ASB8: variants seen among roughly 807,000 people sequenced by gnomAD.
ASB8 encodes ankyrin repeat and SOCS box containing 8.
ASB8 carries 15 observed loss-of-function variants against 22.9 expected under a neutral mutation model. The observed-to-expected ratio is 0.66, with a 90% CI of 0.44 to 1.01. The LOEUF is 1.01. Among genes scored for constraint, ASB8 ranks in the 50% least tolerant of loss-of-function variants. The pLI is 0.00. For missense variants in ASB8, 294 were observed against 356.9 expected, an observed-to-expected ratio of 0.82 and a Z score of 1.42; for synonymous variants, 124 against 140.8, an observed-to-expected ratio of 0.88 and a Z score of 0.84.
rs1951172555 is a variant in ASB8 at position 48,149,970 on chromosome 12, G to A, written c.263C>T (p.Thr88Ile). ...TTTCTCTGCTGCATAGTGGAGGGCT[G>A]TTCGGTTATACCCATCCAGGGCATT... ...EVNALDGYNR[T>I]ALHYAAEKDE... Residue 88 changes from threonine (T) to isoleucine (I), a missense_variant, in exon 4 of 4, where the codon ACA (threonine) becomes ATA (isoleucine). Coordinates refer to ENST00000317697, the MANE Select transcript of ASB8 (RefSeq NM_024095.5). 3.1e-6 allele frequency: 5 copies of A among 1,613,744 alleles called. No homozygotes were observed. Among genetic ancestry groups the A allele is most frequent in the Admixed American group, 1.7e-5 (1 of 59,994 alleles).
chr12:48,155,450 G>A (rs1951284879), intron 1 of ASB8, among the ~76,000 whole-genome samples: 2 of 152,054 alleles, frequency 1.3e-5, no homozygotes, highest in Admixed American at 6.5e-5. Context: ...GGCGGGGCGC[G>A]ATGGCTCACG....
Position 48,149,533 on chromosome 12 carries a change from G to C in ASB8, c.700C>G (p.Pro234Ala), listed in dbSNP as rs1184061591. Residue 234 changes from proline (P) to alanine (A), a missense_variant, in exon 4 of 4, where the codon CCG becomes GCG. Transcript: ENST00000317697. Reference sequence around the variant, plus strand: ...ACAGTCAGTTTTTCACATAGCTGCGGGTCTCTGGCCACCTCTCGTGGCATG... The same window carrying C: ...ACAGTCAGTTTTTCACATAGCTGCGCGTCTCTGGCCACCTCTCGTGGCATG... ...GTMPREVARD[P>A]QLCEKLTVLC... The C allele has an allele frequency of 6.2e-7, 1 of 1,614,060 alleles. No individual in the cohort carries two copies. The highest frequency in any genetic ancestry group is 8.5e-7 in the Non-Finnish European group (1 of 1,180,046).
intron 3 of ASB8, 178 bp downstream of exon 3, chr12:48,151,023 G>A: frequency 1.6e-6 from 1 of 623,912 alleles, no homozygotes; most frequent in African/African-American, 1.8e-5. Flanking sequence ...GAAATCCTTA[G>A]ATCATTTTAT....
In ASB8 at chr12:48,149,258, TA is replaced by T; in HGVS notation, c.*107del. On this transcript the variant is annotated 3_prime_UTR_variant, in exon 4 of 4. Coordinates refer to ENST00000317697, the MANE Select transcript of ASB8 (RefSeq NM_024095.5). ...TTGTGACATGTTGCTTCGAAATCTA[TA>T]AACCACACAACAGGAACAACTGTTT... 1 of 1,251,736 alleles carries T rather than the reference TA, an allele frequency of 8.0e-7. No homozygotes were observed. The highest frequency in any genetic ancestry group is 1.1e-6 in the Non-Finnish European group (1 of 912,452). The allele number at this position is 1,251,736 out of a possible 1,614,324, so 77.5% of individuals were successfully genotyped here.
At chr12:48,156,814 A>T (rs1296553266) in intron 1 of ASB8, among the ~76,000 whole-genome samples, 2 of 152,012 alleles carry the variant, frequency 1.3e-5, no homozygotes, top group Admixed American at 1.3e-4. Flanking sequence ...GACAGCATTC[A>T]CTTCAGGAAT....
chr12:48,151,364 G>A, intron 2 of ASB8, 59 bp from the exon 3 acceptor site: 1 of 1,392,130 alleles, frequency 7.2e-7, no homozygotes, highest in South Asian at 1.2e-5. Flanking sequence ...CAGCAGGACA[G>A]AATTCAGAAC....
chr12:48,148,671 T>G lies in ASB8; in HGVS notation c.*695A>C, dbSNP rs908744842. 1.2e-4 allele frequency: 17 copies of G among 147,066 alleles called. No individual in the cohort carries two copies. Among genetic ancestry groups the G allele is most frequent in the Non-Finnish European group, 1.9e-4 (13 of 66,704 alleles). 9.1% of individuals were successfully genotyped at this position (147,066 alleles called of 1,614,324 possible). On this transcript the variant is annotated 3_prime_UTR_variant, in exon 4 of 4. Coordinates refer to ENST00000317697, the MANE Select transcript of ASB8 (RefSeq NM_024095.5). ...TCAATTAAAATGGTTTTTTTTTTTT[T>G]TTTTTTTTTTTGAGACAGTTTTGCT...
intron 2 of ASB8, 122 bp from the exon 3 acceptor site, chr12:48,151,427 T>C: frequency 1.1e-6 from 1 of 949,286 alleles, no homozygotes; most frequent in Non-Finnish European, 1.6e-6. Flanking sequence ...GATACAGTGC[T>C]AGTTCCTGTT....
intron 1 of ASB8, among the ~76,000 whole-genome samples, chr12:48,155,736 A>T (rs200844901): frequency 0.13 from 15,967 of 120,376 alleles, 1,338 homozygotes; most frequent in African/African-American, 0.22. Context: ...TCTCAAAAAA[A>T]AAAAAAATAT....
intron 1 of ASB8, chr12:48,153,764 AC>A (rs1390636175): frequency 1.1e-5 from 3 of 262,076 alleles, no homozygotes; most frequent in Admixed American, 9.7e-5. Context: ...AGGTACTAAG[AC>A]CCCCGTGGAG....
chr12:48,149,603 G>T lies in ASB8; in HGVS notation c.630C>A (p.Leu210=), dbSNP rs1951160665. The change falls in exon 4 of 4, where the codon CTC becomes CTA. Residue 210 remains leucine (L), a synonymous_variant. Coordinates refer to ENST00000317697, the MANE Select transcript of ASB8 (RefSeq NM_024095.5). The stretch of plus-strand genomic sequence containing the variant: ...CAAAGTGTCCAACAGCTCTGTGGAG[G>T]AGCTCAAAGCAAGAGTCCTCTTTCT... ...GTEKEDSCFE[L]LHRAVGHFEL... is the part of the protein sequence containing the mutation. The T allele has an allele frequency of 6.2e-7, 1 of 1,614,004 alleles. No individual in the cohort carries two copies. The highest frequency in any genetic ancestry group is 1.1e-5 in the South Asian group (1 of 91,082).
Position 48,151,320 on chromosome 12 carries a change from C to A in ASB8, c.130-15G>T. 6.3e-7 allele frequency: 1 copy of A among 1,586,568 alleles called. No homozygotes were observed. Among genetic ancestry groups the A allele is most frequent in the Non-Finnish European group, 8.6e-7 (1 of 1,156,416 alleles). ...ACATCTGCTCCCTGTGGGCAGAAGA[C>A]AACTTCAGTCAGTGTGTTCAGCTCT... On this transcript the variant is annotated splice_polypyrimidine_tract_variant and intron_variant, in intron 2 of 3. Transcript: ENST00000317697.
intron 3 of ASB8, among the ~76,000 whole-genome samples, chr12:48,150,390 T>C (rs778548755): frequency 6.6e-6 from 1 of 152,266 alleles, no homozygotes; most frequent in Non-Finnish European, 1.5e-5. Flanking sequence ...TACAGAGTTT[T>C]GGATTATTTT....
chr12:48,154,986 C>T (rs1394841387), intron 1 of ASB8, among the ~76,000 whole-genome samples: 2 of 152,148 alleles, frequency 1.3e-5, no homozygotes, highest in Non-Finnish European at 2.9e-5. Flanking sequence ...ATTGGCTATT[C>T]ATGGCAACTG....
chr12:48,156,251 T>C (rs1330150886), intron 1 of ASB8, among the ~76,000 whole-genome samples: 1 of 152,228 alleles, frequency 6.6e-6, no homozygotes, highest in African/African-American at 2.4e-5. Context: ...TCTCCCGTTA[T>C]CATGCACGGA....
rs368101078 is a variant in ASB8 at position 48,151,148 on chromosome 12, C to T, written c.234+53G>A. ...GTGATGGGGAGAAATTCTAAGAAAA[C>T]ATGAAGCTCAAGTTTTAGTGAGTCA... On this transcript the variant is annotated intron_variant, in intron 3 of 3. Transcript: ENST00000317697. The T allele has an allele frequency of 1.6e-4, 233 of 1,419,174 alleles. 1 individual carries two copies. In the African/African-American group the frequency reaches 2.9e-3, roughly 18 times the overall value. 87.9% of individuals were successfully genotyped at this position (1,419,174 alleles called of 1,614,324 possible). A position where few individuals can be genotyped will look rare whatever the true frequency, so the allele number is the denominator to read the frequency against.
intron 1 of ASB8, among the ~76,000 whole-genome samples, chr12:48,155,350 C>T (rs1371717107): frequency 6.6e-6 from 1 of 152,178 alleles, no homozygotes; most frequent in Non-Finnish European, 1.5e-5. Flanking sequence ...AAGTTTATTA[C>T]TTTAGATCCT....
rs140353688 is a variant in ASB8, at chr12:48,151,287, T to G, written c.148A>C (p.Thr50Pro). ...TGCAAGGGCTTCAGTGTGCCATGAGTGCAGTTCACATCTGCTCCCTGTGGG... is the reference window on the plus strand; with the variant it reads ...TGCAAGGGCTTCAGTGTGCCATGAGGGCAGTTCACATCTGCTCCCTGTGGG... ...LIRGGADVNC[T>P]HGTLKPLHCA... Residue 50 changes from threonine to proline, a missense_variant, in exon 3 of 4, where the codon ACT becomes CCT. Physicochemically the swap from Thr to Pro is conservative, Grantham distance 38 (BLOSUM62 -1). Coordinates refer to ENST00000317697, the MANE Select transcript of ASB8 (RefSeq NM_024095.5). 6.2e-7 allele frequency: 1 copy of G among 1,613,730 alleles called. No individual in the cohort carries two copies. The highest frequency in any genetic ancestry group is 1.3e-5 in the African/African-American group (1 of 74,920).
chr12:48,150,177 A>C, intron 3 of ASB8, 179 bp from the exon 4 acceptor site: 1 of 730,004 alleles, frequency 1.4e-6, no homozygotes, highest in East Asian at 2.7e-5. Flanking sequence ...GGAGCTTAGG[A>C]GCAAAAAGGA....
Sources: gnomAD v4.1 joint callset for allele counts (sites outside exome capture counted in the v4.1 genomes callset) on GRCh38, gnomAD v4.1.1 for gene constraint, MANE v1.5 for transcripts, NCBI Gene and HGNC (gene_info 2026-07-23, HGNC 2026-07-21) for gene names.